The following ABCD3 variants were observed in gnomAD, a reference collection of about 807,000 sequenced individuals.
The protein encoded by ABCD3 is ATP-binding cassette sub-family D member 3.
A neutral mutation model predicts 105.5 loss-of-function variants in ABCD3; 41 were observed. The ratio of observed to expected loss-of-function variants is 0.39; its 90% CI spans 0.30 to 0.50. The LOEUF (loss-of-function observed/expected upper bound fraction) is 0.50, where lower values mean the gene tolerates loss of function less well. Ranked by LOEUF, ABCD3 falls within the 20% of genes least tolerant of loss-of-function variation. The pLI, the probability that ABCD3 is intolerant of heterozygous loss-of-function variation, is 0.84. For synonymous variants in ABCD3, 258 were observed against 269.0 expected, an observed-to-expected ratio of 0.96 and a Z score of 0.40; for missense variants, 622 against 806.3, an observed-to-expected ratio of 0.77 and a Z score of 2.77.
the ABCD3 span, among the ~76,000 whole-genome samples, chr1:94,403,776 C>CT: frequency 6.6e-6 from 1 of 152,070 alleles, no homozygotes; most frequent in African/African-American, 2.4e-5. Flanking sequence ...TTTTAATCAA[C>CT]TTTTTAATTT....
At chr1:94,466,066 T>A (rs551125821) in intron 3 of ABCD3, among the ~76,000 whole-genome samples, 39 of 152,270 alleles carry the variant, frequency 2.6e-4, no homozygotes, top group African/African-American at 8.9e-4. Context: ...ATTCTTTTTT[T>A]AAAAAAAGTA....
Position 94,487,893 on chromosome 1 carries a change from A to T in ABCD3, c.1067A>T (p.Asp356Val). The T allele has an allele frequency of 6.2e-7, 1 of 1,612,930 alleles. No homozygotes were observed. Among genetic ancestry groups the T allele is most frequent in the Non-Finnish European group, 8.5e-7 (1 of 1,179,034 alleles). Residue 356 changes from aspartate (D) to valine (V), a missense_variant and splice_region_variant, in exon 13 of 23, where the codon GAT becomes GTT. By Grantham distance (152) the Asp-to-Val change is radical (BLOSUM62 -3). Transcript: ENST00000370214. Reference protein sequence around the residue: ...LKSTHSELLEDYYQSGRMLLR... With the variant: ...LKSTHSELLEVYYQSGRMLLR... ...AACTAATATTTATTTCTATTTAAGG[A>T]TTACTACCAAAGTGGAAGAATGCTT...
Position 94,503,253 on chromosome 1 carries a change from T to C in ABCD3, c.1741-3285T>C, listed in dbSNP as rs538995696. On this transcript the variant is annotated intron_variant, in intron 20 of 22. Transcript: ENST00000370214. ...GAGACACATGTTGAGAAAATGTCCA[T>C]GTCATGTAGTAAGTGTGGTGATGAA... 2.6e-5 allele frequency among the ~76,000 whole-genome samples: 4 copies of C among 152,282 alleles called. No individual in the cohort carries two copies. The East Asian group carries it at 7.7e-4, about 29-fold the overall frequency.
At chr1:94,508,669 G>C (rs1042365618) in intron 21 of ABCD3, among the ~76,000 whole-genome samples, 4 of 149,576 alleles carry the variant, frequency 2.7e-5, no homozygotes, top group Non-Finnish European at 4.5e-5. Flanking sequence ...TTATTTCCTT[G>C]AGCAGTGGTT....
chr1:94,451,330 T>C (rs1647238835), intron 1 of ABCD3, among the ~76,000 whole-genome samples: 1 of 152,210 alleles, frequency 6.6e-6, no homozygotes, highest in African/African-American at 2.4e-5. Context: ...TTTATTACGG[T>C]CTGGAGATTT....
At chr1:94,499,368 T>C (rs1649983116) in intron 19 of ABCD3, 127 bp from the exon 20 acceptor site, 1 of 1,125,552 alleles carries the variant, frequency 8.9e-7, no homozygotes, top group Non-Finnish European at 1.3e-6. Context: ...CACATTCTTT[T>C]CTGAAATGTA....
chr1:94,503,802 A>ATT (rs540410687), intron 20 of ABCD3, among the ~76,000 whole-genome samples: 7 of 132,168 alleles, frequency 5.3e-5, no homozygotes, highest in South Asian at 2.4e-4. Context: ...GCTTTTCTGA[A>ATT]TTTTTTTTTT....
At chr1:94,515,049 T>C in intron 21 of ABCD3, 97 bp from the exon 22 acceptor site, 1 of 939,780 alleles carries the variant, frequency 1.1e-6, no homozygotes, top group South Asian at 1.4e-5. Context: ...TTAACTTTAG[T>C]CACTGAAGAC....
At chr1:94,485,811 G>A (rs1405764368) in intron 10 of ABCD3, among the ~76,000 whole-genome samples, 2 of 151,926 alleles carry the variant, frequency 1.3e-5, no homozygotes, top group Admixed American at 6.6e-5. Context: ...TTTTTTTCTT[G>A]TCATTATTCT....
At chr1:94,462,379 G>A (rs1249220108) in intron 2 of ABCD3, among the ~76,000 whole-genome samples, 1 of 152,152 alleles carries the variant, frequency 6.6e-6, no homozygotes, top group African/African-American at 2.4e-5. Context: ...ATTGGTTTCA[G>A]GTAGAGTTTT....
chr1:94,511,920 C>A, intron 21 of ABCD3, among the ~76,000 whole-genome samples: 1 of 152,118 alleles, frequency 6.6e-6, no homozygotes, highest in Non-Finnish European at 1.5e-5. Context: ...TTTTCAGCTT[C>A]TTTGCCTTTG....
chr1:94,472,907 A>T (rs1053838992), intron 4 of ABCD3, among the ~76,000 whole-genome samples: 2 of 152,236 alleles, frequency 1.3e-5, no homozygotes, highest in African/African-American at 4.8e-5. Context: ...TCTTTGTATT[A>T]GGTCATAGAC....
At chr1:94,433,862 T>G (rs1304508979) in intron 1 of ABCD3, among the ~76,000 whole-genome samples, 1 of 151,860 alleles carries the variant, frequency 6.6e-6, no homozygotes, top group Non-Finnish European at 1.5e-5. Flanking sequence ...TTGGCCAGGC[T>G]AGTCTCGAAC....
intron 21 of ABCD3, 129 bp downstream of exon 21, chr1:94,506,771 T>C: frequency 3.1e-6 from 2 of 647,590 alleles, no homozygotes; most frequent in Non-Finnish European, 5.5e-6. Context: ...TTTCTTGTTT[T>C]AATAAAGATT....
the ABCD3 span, among the ~76,000 whole-genome samples, chr1:94,410,118 A>G: frequency 1.4e-4 from 22 of 152,212 alleles, no homozygotes; most frequent in African/African-American, 5.3e-4. Flanking sequence ...GGAACTGAGC[A>G]TGCAAGTGTG....
intron 1 of ABCD3, among the ~76,000 whole-genome samples, chr1:94,443,792 T>A (rs561432672): frequency 6.6e-6 from 1 of 152,274 alleles, no homozygotes; most frequent in South Asian, 2.1e-4. Flanking sequence ...AGGTTGTAGG[T>A]GTGTGATGTT....
intron 1 of ABCD3, among the ~76,000 whole-genome samples, chr1:94,456,190 T>C (rs946758678): frequency 6.6e-6 from 1 of 151,930 alleles, no homozygotes; most frequent in African/African-American, 2.4e-5. Flanking sequence ...TTTGTCTTTT[T>C]GGGCCTGGCT....
At chr1:94,454,622 A>G (rs1047401543) in intron 1 of ABCD3, among the ~76,000 whole-genome samples, 1 of 152,158 alleles carries the variant, frequency 6.6e-6, no homozygotes, top group African/African-American at 2.4e-5. Context: ...CTAAAGATGC[A>G]TTACTCAGGG....
the ABCD3 span, among the ~76,000 whole-genome samples, chr1:94,385,197 A>C: frequency 6.6e-6 from 1 of 152,176 alleles, no homozygotes; most frequent in African/African-American, 2.4e-5. Context: ...AGAATGGGGC[A>C]TTCTCTTAGC....
Sources: allele counts gnomAD v4.1 joint callset (sites outside exome capture counted in the v4.1 genomes callset), GRCh38; gene constraint gnomAD v4.1.1; transcripts MANE v1.5; gene names NCBI Gene and HGNC (gene_info 2026-07-23, HGNC 2026-07-21).